The following SPTBN4 variants were observed in gnomAD, a reference collection of about 807,000 sequenced individuals.
The protein encoded by SPTBN4 is spectrin beta chain, non-erythrocytic 4.
In SPTBN4, 96 loss-of-function variants were observed where a neutral mutation model predicts 277.8. That is an observed-to-expected ratio of 0.35 (90% CI 0.29 to 0.41). SPTBN4 has a LOEUF of 0.41. SPTBN4 is among the 10% of genes least tolerant of loss of function. SPTBN4 has a pLI of 1.00. For synonymous variants in SPTBN4, 1,481 were observed against 1,580.3 expected (o/e 0.94, Z 1.49); for missense variants, 3,006 against 3,595.7 (o/e 0.84, Z 4.19).
intron 17 of SPTBN4, among the ~76,000 whole-genome samples, chr19:40,525,903 G>A (rs1450484735): frequency 6.6e-6 from 1 of 152,120 alleles, no homozygotes; most frequent in African/African-American, 2.4e-5. Context: ...GGATTGAGAC[G>A]GACTAATCTC....
At chr19:40,542,304 C>T (rs544670530) in intron 20 of SPTBN4, among the ~76,000 whole-genome samples, 37 of 152,154 alleles carry the variant, frequency 2.4e-4, no homozygotes, top group Non-Finnish European at 4.1e-4. Context: ...TCCCTCATCC[C>T]GTACCACACC....
Position 40,554,381 on chromosome 19 carries a change from C to A in SPTBN4, c.4909C>A (p.Leu1637Met). 1 of 1,588,550 alleles carries A rather than the reference C, an allele frequency of 6.3e-7. No individual in the cohort carries two copies. Among genetic ancestry groups the A allele is most frequent in the Non-Finnish European group, 8.5e-7 (1 of 1,171,340 alleles). ...YFDVAEVEAW[L>M]GEQELLMMSE... ...CGACGTGGCTGAGGTGGAGGCGTGG[C>A]TGGGCGAGCAGGAGCTGCTCATGAT... is the stretch of plus-strand genomic sequence containing the variant. The change falls in exon 23 of 36, where the codon CTG becomes ATG. Residue 1637 changes from leucine to methionine, a missense_variant. By Grantham distance (15) the Leu-to-Met change is conservative. Around this residue, in one of 5 missense-constraint regions of SPTBN4, gnomAD observed 1,759 missense variants for 2,061.5 expected, o/e 0.85. Transcript: ENST00000598249. The surrounding 1 kb of genome is among the most constrained non-coding windows in gnomAD (Gnocchi z 5.7).
intron 7 of SPTBN4, 93 bp from the exon 8 acceptor site, chr19:40,501,828 G>A: frequency 9.8e-7 from 1 of 1,022,512 alleles, no homozygotes; most frequent in Non-Finnish European, 1.5e-6. Flanking sequence ...CACACAGCTA[G>A]TGAGAGTGGC....
intron 7 of SPTBN4, among the ~76,000 whole-genome samples, chr19:40,498,062 A>G (rs905168277): frequency 1.3e-5 from 2 of 150,382 alleles, no homozygotes; most frequent in African/African-American, 4.9e-5. Context: ...CTCCATTCCT[A>G]TCCCCACCCT....
intron 17 of SPTBN4, chr19:40,524,744 T>A: frequency 5.1e-6 from 2 of 391,596 alleles, no homozygotes; most frequent in South Asian, 3.8e-5. Context: ...AAAGTGAGTG[T>A]CTGCATGTCT....
intron 24 of SPTBN4, among the ~76,000 whole-genome samples, chr19:40,555,467 G>A (rs1422733052): frequency 7.2e-6 from 1 of 139,102 alleles, no homozygotes; most frequent in Non-Finnish European, 1.5e-5. Flanking sequence ...CTCCAGCCTG[G>A]TGACAGAGCA....
chr19:40,508,769 G>A (rs773366667), intron 13 of SPTBN4, among the ~76,000 whole-genome samples: 3 of 152,100 alleles, frequency 2.0e-5, no homozygotes, highest in Non-Finnish European at 4.4e-5. Flanking sequence ...ATGATTCAGT[G>A]TAGTGAGTTT....
Position 40,576,190 on chromosome 19 carries a change from C to T in SPTBN4, c.*621C>T, listed in dbSNP as rs897840077. On this transcript the variant is annotated 3_prime_UTR_variant, in exon 36 of 36. Coordinates refer to ENST00000598249, the MANE Select transcript of SPTBN4 (RefSeq NM_020971.3). ...GATCTCCTCCTCCCCCGCCCCGCAT[C>T]CGCGAAGGCTTTTAATGGGAGGGGC... is the stretch of plus-strand genomic sequence containing the variant. 5 of 152,552 alleles carry T rather than the reference C, an allele frequency of 3.3e-5. No homozygotes were observed. The highest frequency in any genetic ancestry group is 1.2e-4 in the African/African-American group (5 of 41,462). 9.4% of individuals were successfully genotyped at this position (152,552 alleles called of 1,614,324 possible). A position where few individuals can be genotyped will look rare whatever the true frequency, so the allele number is the denominator to read the frequency against.
chr19:40,565,613 A>G, intron 28 of SPTBN4, 48 bp from the exon 29 acceptor site: 1 of 1,576,664 alleles, frequency 6.3e-7, no homozygotes, highest in South Asian at 1.1e-5. Flanking sequence ...ATTGGGGTGG[A>G]AGCCATTCCA....
rs369018329 is a variant in SPTBN4, at chr19:40,560,142, C to T, written c.5671-17C>T. The T allele has an allele frequency of 1.9e-6, 3 of 1,580,084 alleles. No homozygotes were observed. The highest frequency in any genetic ancestry group is 2.6e-6 in the Non-Finnish European group (3 of 1,167,572). On this transcript the variant is annotated splice_polypyrimidine_tract_variant and intron_variant, in intron 26 of 35. Transcript: ENST00000598249. This position sits in a 1 kb window ranked among gnomAD's most constrained non-coding sequence, Gnocchi z 5.2. Reference sequence around the variant, plus strand: ...GGCCCCGTGGAGGGCTGGCGCCCGACCTGGCATGCCCTTCAGGTACGGCAG... The same window carrying T: ...GGCCCCGTGGAGGGCTGGCGCCCGATCTGGCATGCCCTTCAGGTACGGCAG...
At chr19:40,477,005 C>A (rs2079956283) in intron 2 of SPTBN4, among the ~76,000 whole-genome samples, 1 of 151,142 alleles carries the variant, frequency 6.6e-6, no homozygotes, top group Non-Finnish European at 1.5e-5. Flanking sequence ...AGATGTGTAC[C>A]ACCACTCCCA....
At chr19:40,479,714 A>AT in intron 2 of SPTBN4, among the ~76,000 whole-genome samples, 1 of 142,714 alleles carries the variant, frequency 7.0e-6, no homozygotes, top group South Asian at 2.2e-4. Context: ...TTAACTTTTT[A>AT]TTATTAAAGT....
chr19:40,560,941 G>A lies in SPTBN4; in HGVS notation c.5915+538G>A, dbSNP rs568368892. On this transcript the variant is annotated intron_variant, in intron 27 of 35. Transcript: ENST00000598249. This position sits in a 1 kb window ranked among gnomAD's most constrained non-coding sequence, Gnocchi z 5.2. ...GAAAAGATAGCAGGAGGATCACACAGAAGGTTTTAGGGATAAAGCCGGCAC... is the reference window on the plus strand; with the variant it reads ...GAAAAGATAGCAGGAGGATCACACAAAAGGTTTTAGGGATAAAGCCGGCAC... Among the ~76,000 whole-genome samples, 2 of 152,134 alleles carry A rather than the reference G, an allele frequency of 1.3e-5. No homozygotes were observed. Among genetic ancestry groups the A allele is most frequent in the African/African-American group, 4.8e-5 (2 of 41,432 alleles).
At chr19:40,546,395 T>A (rs1371938281) in intron 20 of SPTBN4, among the ~76,000 whole-genome samples, 2 of 152,160 alleles carry the variant, frequency 1.3e-5, no homozygotes, top group African/African-American at 2.4e-5. Context: ...AGTCCTTTTT[T>A]TTTGCTGATG....
At chr19:40,522,138 C>T (rs1458176846) in intron 16 of SPTBN4, among the ~76,000 whole-genome samples, 1 of 152,040 alleles carries the variant, frequency 6.6e-6, no homozygotes, top group Non-Finnish European at 1.5e-5. Context: ...GCAATCCTCC[C>T]ACGTCAGCCC....
chr19:40,532,962 G>A (rs1029847122), intron 19 of SPTBN4, among the ~76,000 whole-genome samples, 191 bp downstream of exon 19: 3 of 152,180 alleles, frequency 2.0e-5, no homozygotes, highest in African/African-American at 7.2e-5. Context: ...GCCTCAATTT[G>A]CTCATCTGTA....
At chr19:40,485,231 C>T (rs11667181) in intron 2 of SPTBN4, among the ~76,000 whole-genome samples, 5,638 of 152,214 alleles carry the variant, frequency 0.037, 157 homozygotes, top group South Asian at 0.097. Flanking sequence ...CTCACTGCAA[C>T]CTCCACCTCC....
chr19:40,543,557 T>G (rs1309350100), intron 20 of SPTBN4, among the ~76,000 whole-genome samples: 1 of 152,146 alleles, frequency 6.6e-6, no homozygotes, highest in Non-Finnish European at 1.5e-5. Context: ...AAGTCTTGGC[T>G]TGGTTCTTGA....
At chr19:40,489,027 A>T (rs1008836613) in intron 3 of SPTBN4, among the ~76,000 whole-genome samples, 8 of 151,524 alleles carry the variant, frequency 5.3e-5, no homozygotes, top group Non-Finnish European at 8.8e-5. Flanking sequence ...TCTACAAAAA[A>T]TTTTTAAAAA....
Sources: gnomAD v4.1 joint callset for allele counts (sites outside exome capture counted in the v4.1 genomes callset) on GRCh38, gnomAD v4.1.1 for gene constraint, gnomAD v4.1.1 regional missense constraint, Gnocchi (gnomAD v3.1) non-coding constraint, MANE v1.5 for transcripts, NCBI Gene and HGNC (gene_info 2026-07-23, HGNC 2026-07-21) for gene names.